Variants in WDPCP observed in about 807,000 individuals in gnomAD.
WDPCP encodes the protein WD repeat-containing and planar cell polarity effector protein fritz homolog.
WDPCP carries 71 observed loss-of-function variants against 93.1 expected under a neutral mutation model. That is an observed-to-expected ratio of 0.76 (90% CI 0.63 to 0.93). WDPCP has a LOEUF of 0.93. WDPCP is among the 40% of genes least tolerant of loss of function. The pLI, the probability that WDPCP is intolerant of heterozygous loss-of-function variation, is 0.00. For synonymous variants in WDPCP, 315 were observed against 315.0 expected, an observed-to-expected ratio of 1.00 and a Z score of 0.00; for missense variants, 844 against 887.4, an observed-to-expected ratio of 0.95 and a Z score of 0.62.
the WDPCP span, among the ~76,000 whole-genome samples, chr2:63,839,288 G>A: frequency 4.6e-5 from 7 of 152,316 alleles, no homozygotes; most frequent in Non-Finnish European, 1.0e-4. Context: ...CGCCAGGCGC[G>A]GTGGCTCACG....
chr2:63,575,323 CACAGTATAT>C (rs1707847769), intron 1 of WDPCP, among the ~76,000 whole-genome samples: 1 of 138,432 alleles, frequency 7.2e-6, no homozygotes, highest in Non-Finnish European at 1.6e-5. Context: ...TACATATATA[CACAGTATAT>C]ATGGTATATA....
At chr2:63,178,804 A>T (rs1352482235) in intron 14 of WDPCP, among the ~76,000 whole-genome samples, 1 of 152,020 alleles carries the variant, frequency 6.6e-6, no homozygotes, top group Non-Finnish European at 1.5e-5. Context: ...TTAGGTTATT[A>T]ATTTTCAATC....
intron 1 of WDPCP, among the ~76,000 whole-genome samples, chr2:63,577,411 G>A (rs1708190136): frequency 6.6e-6 from 1 of 152,122 alleles, no homozygotes. Context: ...TTTGCTGAAT[G>A]GAAATGAAGC....
At position 63,451,339 on chromosome 2, in the gene WDPCP, T is replaced by A. The variant is rs577280708; in HGVS notation, c.385-11468A>T. ...AGATATATGCAAATAAACTAGAAAA[T>A]CTAGAAGAAATGGGTAAATTCTTCG... On this transcript the variant is annotated intron_variant, in intron 6 of 17. Coordinates refer to ENST00000272321, the MANE Select transcript of WDPCP (RefSeq NM_015910.7). Among the ~76,000 whole-genome samples, 15 of 151,920 alleles carry A rather than the reference T, an allele frequency of 9.9e-5. 1 individual carries two copies. In the South Asian group the frequency reaches 3.1e-3, roughly 32 times the overall value.
chr2:63,380,822 G>C (rs1018183517), intron 11 of WDPCP, among the ~76,000 whole-genome samples: 2 of 152,062 alleles, frequency 1.3e-5, no homozygotes, highest in African/African-American at 2.4e-5. Flanking sequence ...TGTGGGCCAC[G>C]TGTGACTTGG....
chr2:63,404,548 G>A lies in WDPCP; in HGVS notation c.935C>T (p.Pro312Leu), dbSNP rs1694414231. 5 of 1,613,612 alleles carry A rather than the reference G, an allele frequency of 3.1e-6. No individual in the cohort carries two copies. The East Asian group carries it at 6.7e-5, about 22-fold the overall frequency. Residue 312 changes from proline to leucine, a missense_variant, in exon 10 of 18, where the codon CCC becomes CTC. By Grantham distance (98) the Pro-to-Leu change is moderately conservative. Transcript: ENST00000272321. Reference protein sequence around the residue: ...VEHSVSVDKEPMADSCIYECI... With the variant: ...VEHSVSVDKELMADSCIYECI... Reference sequence around the variant, plus strand: ...TTCATAGATGCAGCTGTCAGCCATGGGCTCTTTGTCTACACTTACGGAGTG... The same window carrying A: ...TTCATAGATGCAGCTGTCAGCCATGAGCTCTTTGTCTACACTTACGGAGTG...
At chr2:63,376,638 A>C (rs1026622306) in intron 12 of WDPCP, among the ~76,000 whole-genome samples, 26 of 151,978 alleles carry the variant, frequency 1.7e-4, no homozygotes, top group African/African-American at 5.1e-4. Flanking sequence ...AGAAACAGAG[A>C]AACAAATATT....
At chr2:63,754,543 T>C (rs1448543965) in intron 2 of WDPCP, among the ~76,000 whole-genome samples, 3 of 152,218 alleles carry the variant, frequency 2.0e-5, no homozygotes, top group Non-Finnish European at 2.9e-5. Flanking sequence ...AGAAATAGAA[T>C]ACAAAGTTGG....
At chr2:63,525,657 G>C (rs1486888890) in intron 1 of WDPCP, among the ~76,000 whole-genome samples, 1 of 152,150 alleles carries the variant, frequency 6.6e-6, no homozygotes, top group Non-Finnish European at 1.5e-5. Context: ...GAAGGTCTAA[G>C]TTGATGAGTA....
intron 10 of WDPCP, among the ~76,000 whole-genome samples, chr2:63,401,840 G>T (rs1694176641): frequency 6.6e-6 from 1 of 152,084 alleles, no homozygotes; most frequent in African/African-American, 2.4e-5. Flanking sequence ...ATTCTGGTGA[G>T]GCTGTGGAGA....
chr2:63,536,384 C>A (rs1330138624), intron 1 of WDPCP, among the ~76,000 whole-genome samples: 1 of 152,204 alleles, frequency 6.6e-6, no homozygotes, highest in Non-Finnish European at 1.5e-5. Context: ...GATTATAAAT[C>A]ATGCTGCTAT....
At chr2:63,733,467 G>A (rs1017614821) in intron 2 of WDPCP, among the ~76,000 whole-genome samples, 1 of 152,002 alleles carries the variant, frequency 6.6e-6, no homozygotes, top group Non-Finnish European at 1.5e-5. Flanking sequence ...CTCCCAAAGT[G>A]CTGGGATTAC....
chr2:63,354,868 T>G (rs981270257), intron 12 of WDPCP, among the ~76,000 whole-genome samples: 2 of 152,168 alleles, frequency 1.3e-5, no homozygotes, highest in Admixed American at 1.3e-4. Context: ...GAAGATCGAT[T>G]ATCTGAAATG....
chr2:63,197,297 T>G (rs1166940201), intron 14 of WDPCP, among the ~76,000 whole-genome samples: 1 of 152,220 alleles, frequency 6.6e-6, no homozygotes, highest in African/African-American at 2.4e-5. Flanking sequence ...CTTACTCTAT[T>G]GTAAGAAGAT....
At chr2:63,520,230 G>A (rs1702828908) in intron 1 of WDPCP, among the ~76,000 whole-genome samples, 1 of 151,994 alleles carries the variant, frequency 6.6e-6, no homozygotes, top group Non-Finnish European at 1.5e-5. Flanking sequence ...AAGAAATATG[G>A]GATTATATAA....
chr2:63,640,490 T>C (rs1458848679), intron 3 of WDPCP, among the ~76,000 whole-genome samples: 1 of 152,156 alleles, frequency 6.6e-6, no homozygotes, highest in Non-Finnish European at 1.5e-5. Flanking sequence ...TGAGACTCTC[T>C]GAAAAACACA....
intron 2 of WDPCP, among the ~76,000 whole-genome samples, chr2:63,703,119 C>G (rs908823344): frequency 6.6e-6 from 1 of 152,110 alleles, no homozygotes; most frequent in Admixed American, 6.6e-5. Context: ...TCCAGTCTAT[C>G]ATTGTTGGAC....
intron 2 of WDPCP, among the ~76,000 whole-genome samples, chr2:63,666,670 C>G (rs1205124511): frequency 6.6e-6 from 1 of 152,158 alleles, no homozygotes; most frequent in Non-Finnish European, 1.5e-5. Context: ...GAAGTTCCTG[C>G]TATGGCCAAG....
At chr2:63,830,253 A>G (rs1671172429), upstream of WDPCP, among the ~76,000 whole-genome samples, 1 of 152,066 alleles carries the variant, frequency 6.6e-6, no homozygotes, top group African/African-American at 2.4e-5. Context: ...GTGGTCCTGA[A>G]ATACCTTTTT....
Sources: allele counts gnomAD v4.1 joint callset (sites outside exome capture counted in the v4.1 genomes callset), GRCh38; gene constraint gnomAD v4.1.1; transcripts MANE v1.5; gene names NCBI Gene and HGNC (gene_info 2026-07-23, HGNC 2026-07-21).